The following EXOSC2 variants were observed in gnomAD, a reference collection of about 807,000 sequenced individuals.
EXOSC2 encodes the protein exosome complex component RRP4.
In EXOSC2, 29 loss-of-function variants were observed where a neutral mutation model predicts 37.6. The observed-to-expected ratio is 0.77, with a 90% CI of 0.57 to 1.05. EXOSC2 has a LOEUF of 1.05. Ranked by LOEUF, EXOSC2 falls within the 50% of genes least tolerant of loss-of-function variation. EXOSC2 has a pLI of 0.00. For synonymous variants in EXOSC2, 119 were observed against 131.1 expected, an observed-to-expected ratio of 0.91 and a Z score of 0.63; for missense variants, 346 against 365.6, an observed-to-expected ratio of 0.95 and a Z score of 0.44.
Position 130,698,295 on chromosome 9 carries a change from G to A in EXOSC2, c.360+44G>A, listed in dbSNP as rs749086401. On this transcript the variant is annotated intron_variant, in intron 4 of 8. Transcript: ENST00000372358. The surrounding 1 kb of genome is among the most constrained non-coding windows in gnomAD (Gnocchi z 4.1). ...GCCATGGACTAGGGCCCAGTGGGCT[G>A]GGGGGAGCCGTGGGACCCTTTGTTC... 1.3e-6 allele frequency: 2 copies of A among 1,566,998 alleles called. No homozygotes were observed. The highest frequency in any genetic ancestry group is 2.0e-4 in the Middle Eastern group (1 of 5,054).
Position 130,695,108 on chromosome 9 carries a change from G to A in EXOSC2, c.123-384G>A, listed in dbSNP as rs181660957. Among the ~76,000 whole-genome samples the A allele has an allele frequency of 2.6e-5, 4 of 152,296 alleles. No individual in the cohort carries two copies. In the East Asian group the frequency reaches 5.8e-4, roughly 22 times the overall value. ...GGCAGAGTGAAAAATCTCTGTCCTG[G>A]TGGAGTTCTAACAGGGAGAGATAGA... is the stretch of plus-strand genomic sequence containing the variant. On this transcript the variant is annotated intron_variant, in intron 1 of 8. Coordinates refer to ENST00000372358, the MANE Select transcript of EXOSC2 (RefSeq NM_014285.7).
intron 5 of EXOSC2, chr9:130,699,649 T>G (rs1393098001): frequency 8.0e-6 from 4 of 498,798 alleles, no homozygotes; most frequent in African/African-American, 7.7e-5. Context: ...TAGACTAGGC[T>G]TTTGTTAATG....
At position 130,694,036 on chromosome 9, in the gene EXOSC2, C is replaced by A. The variant is rs890189589; in HGVS notation, c.122+123C>A. On this transcript the variant is annotated intron_variant, in intron 1 of 8. Coordinates refer to ENST00000372358, the MANE Select transcript of EXOSC2 (RefSeq NM_014285.7). This position sits in a 1 kb window ranked among gnomAD's most constrained non-coding sequence, Gnocchi z 4.0. ...CGGGACCCAGGGCACTTCGTCTGAG[C>A]ATCCTACACACCTCGCTTCCGAGCC... The A allele has an allele frequency of 1.3e-5, 15 of 1,139,944 alleles. No individual in the cohort carries two copies. Among genetic ancestry groups the A allele is most frequent in the Middle Eastern group, 2.2e-4 (1 of 4,600 alleles). 70.6% of individuals were successfully genotyped at this position (1,139,944 alleles called of 1,614,324 possible). A position where few individuals can be genotyped will look rare whatever the true frequency, so the allele number is the denominator to read the frequency against.
At chr9:130,696,574 G>A (rs774119144) in intron 2 of EXOSC2, among the ~76,000 whole-genome samples, 42 of 145,462 alleles carry the variant, frequency 2.9e-4, no homozygotes, top group Non-Finnish European at 5.4e-4. Flanking sequence ...GTGGAGGAGT[G>A]ATTGGAATCT....
chr9:130,697,796 ATG>A, intron 3 of EXOSC2, 169 bp downstream of exon 3: 3 of 638,652 alleles, frequency 4.7e-6, no homozygotes, highest in African/African-American at 3.8e-5. Flanking sequence ...TTACTGGTTC[ATG>A]TTTTTTTTTT....
Position 130,700,357 on chromosome 9 carries a change from A to T in EXOSC2, c.427-510A>T, listed in dbSNP as rs529758871. 2.9e-3 allele frequency among the ~76,000 whole-genome samples: 400 copies of T among 138,162 alleles called. 3 individuals carry two copies. The highest frequency in any genetic ancestry group is 8.2e-3 in the African/African-American group (304 of 36,880). 90.6% of individuals were successfully genotyped at this position (138,162 alleles called of 152,430 possible). A position where few individuals can be genotyped will look rare whatever the true frequency, so the allele number is the denominator to read the frequency against. ...TATTTATTTATTTATTTATTTATTT[A>T]TTTATTTATTTATTTTTTTGAGACG... On this transcript the variant is annotated intron_variant, in intron 5 of 8. Coordinates refer to ENST00000372358, the MANE Select transcript of EXOSC2 (RefSeq NM_014285.7).
Position 130,695,474 on chromosome 9 carries a change from A to G in EXOSC2, c.123-18A>G. On this transcript the variant is annotated intron_variant, in intron 1 of 8. Transcript: ENST00000372358. ...AGTTACCCTCGTATCCTTTCTTTGT[A>G]TCTTCGCCTTGCATCAGGGGCCATG... The G allele has an allele frequency of 6.2e-7, 1 of 1,603,740 alleles. No homozygotes were observed. The highest frequency in any genetic ancestry group is 1.3e-5 in the African/African-American group (1 of 74,846).
In EXOSC2 at chr9:130,695,479, C is replaced by CCATG. The variant is rs1564254875; in HGVS notation, c.123-13_123-12insCATG. The CCATG allele has an allele frequency of 6.2e-7, 1 of 1,607,326 alleles. No individual in the cohort carries two copies. Among genetic ancestry groups the CCATG allele is most frequent in the Non-Finnish European group, 8.5e-7 (1 of 1,173,806 alleles). On this transcript the variant is annotated splice_polypyrimidine_tract_variant and intron_variant, in intron 1 of 8. Transcript: ENST00000372358. ...CCCTCGTATCCTTTCTTTGTATCTTCGCCTTGCATCAGGGGCCATGGAACG... is the reference window on the plus strand; with the variant it reads ...CCCTCGTATCCTTTCTTTGTATCTTCCATGGCCTTGCATCAGGGGCCATGGAACG...
At chr9:130,699,628 G>T (rs1389544422) in intron 5 of EXOSC2, 1 of 553,202 alleles carries the variant, frequency 1.8e-6, no homozygotes, top group Non-Finnish European at 3.2e-6. Flanking sequence ...AACTTACGGT[G>T]GCCTGTGCTT....
At position 130,703,148 on chromosome 9, in the gene EXOSC2, C is replaced by G; in HGVS notation, c.768C>G (p.Ile256Met). Reference sequence around the variant, plus strand: ...GGATGATGCTGTATGATACCAGCATCCTGTACTGCTATGAAGCATCCCTTC... The same window carrying G: ...GGATGATGCTGTATGATACCAGCATGCTGTACTGCTATGAAGCATCCCTTC... ...TQRMMLYDTS[I>M]LYCYEASLPH... The change falls in exon 8 of 9, where the codon ATC becomes ATG. Residue 256 changes from isoleucine to methionine, a missense_variant. Transcript: ENST00000372358. 1.2e-6 allele frequency: 2 copies of G among 1,613,784 alleles called. No individual in the cohort carries two copies. Among genetic ancestry groups the G allele is most frequent in the Non-Finnish European group, 1.7e-6 (2 of 1,179,806 alleles).
intron 7 of EXOSC2, 127 bp from the exon 8 acceptor site, chr9:130,702,926 T>G: frequency 8.9e-7 from 1 of 1,117,562 alleles, no homozygotes. Flanking sequence ...AATTAGCTGT[T>G]TGGTTGATTT....
Position 130,701,926 on chromosome 9 carries a change from G to A in EXOSC2, c.496-208G>A, listed in dbSNP as rs1244979092. The A allele has an allele frequency of 2.9e-6, 4 of 1,389,464 alleles. No homozygotes were observed. In the East Asian group the frequency reaches 1.1e-4, roughly 37 times the overall value. The allele number at this position is 1,389,464 out of a possible 1,614,324, so 86.1% of individuals were successfully genotyped here. A position where few individuals can be genotyped will look rare whatever the true frequency, so the allele number is the denominator to read the frequency against. ...GGAAATGACAGAGAAGAGTATTGAA[G>A]GTCACCTTCTGCTGGGATGTATGAA... On this transcript the variant is annotated intron_variant, in intron 6 of 8. Transcript: ENST00000372358.
intron 8 of EXOSC2, among the ~76,000 whole-genome samples, chr9:130,703,431 G>C (rs1831262488): frequency 6.6e-6 from 1 of 152,182 alleles, no homozygotes; most frequent in Non-Finnish European, 1.5e-5. Context: ...GCAACCTCTG[G>C]ACTACATCTT....
In EXOSC2 at chr9:130,702,140, CAG is replaced by C. The variant is rs760414467; in HGVS notation, c.503_504del (p.Gln168ArgfsTer20). 7 of 1,613,976 alleles carry C rather than the reference CAG, an allele frequency of 4.3e-6. No homozygotes were observed. Among genetic ancestry groups the C allele is most frequent in the Admixed American group, 3.3e-5 (2 of 59,974 alleles). Reference sequence around the variant, plus strand: ...TCGTGATATATTTCTTTAGCTAGGTCAGGGGGTTTTGGTCCAGGTTTCCCCCT... The same window carrying C: ...TCGTGATATATTTCTTTAGCTAGGTCGGGGTTTTGGTCCAGGTTTCCCCCT... ...TRSLKYGKLG[Q>X]GVLVQVSPSL... On this transcript the variant is annotated frameshift_variant, in exon 7 of 9. Transcript: ENST00000372358. LOFTEE classifies it high-confidence loss of function.
At chr9:130,700,816 AG>A in intron 5 of EXOSC2, 50 bp from the exon 6 acceptor site, 1 of 1,572,214 alleles carries the variant, frequency 6.4e-7, no homozygotes, top group Non-Finnish European at 8.8e-7. Flanking sequence ...TGCAGAGGAC[AG>A]GACAGTGTGT....
intron 8 of EXOSC2, among the ~76,000 whole-genome samples, chr9:130,703,425 C>A (rs187317814): frequency 3.2e-4 from 49 of 152,282 alleles, no homozygotes; most frequent in Non-Finnish European, 6.5e-4. Flanking sequence ...ATGAGAGCAA[C>A]CTCTGGACTA....
At chr9:130,699,936 G>C (rs1046969262) in intron 5 of EXOSC2, 3 of 153,940 alleles carry the variant, frequency 1.9e-5, no homozygotes, top group African/African-American at 7.2e-5. Context: ...GAGCCCAGGA[G>C]CTCAAGGCTA....
At position 130,694,913 on chromosome 9, in the gene EXOSC2, G is replaced by A. The variant is rs1157996850; in HGVS notation, c.123-579G>A. Among the ~76,000 whole-genome samples the A allele has an allele frequency of 6.6e-6, 1 of 150,382 alleles. No individual in the cohort carries two copies. Among genetic ancestry groups the A allele is most frequent in the Non-Finnish European group, 1.5e-5 (1 of 67,738 alleles). On this transcript the variant is annotated intron_variant, in intron 1 of 8. Transcript: ENST00000372358. This position sits in a 1 kb window ranked among gnomAD's most constrained non-coding sequence, Gnocchi z 4.0. ...TTTAGTAGAGACAGGGTTTCACTGTGTTGGCCAGGCTGGTCTCGATCCCCT... is the reference window on the plus strand; with the variant it reads ...TTTAGTAGAGACAGGGTTTCACTGTATTGGCCAGGCTGGTCTCGATCCCCT...
rs887277579 is a variant in EXOSC2 at position 130,704,485 on chromosome 9, C to T, written c.*711C>T. ...GGCGGAGGTTGCAGTGAGCTGAAAT[C>T]GCGTACCACACTCCAGCCTGGGTGA... is the stretch of plus-strand genomic sequence containing the variant. On this transcript the variant is annotated 3_prime_UTR_variant, in exon 9 of 9. Coordinates refer to ENST00000372358, the MANE Select transcript of EXOSC2 (RefSeq NM_014285.7). 2.6e-5 allele frequency: 4 copies of T among 151,852 alleles called. No homozygotes were observed. The highest frequency in any genetic ancestry group is 2.1e-4 in the South Asian group (1 of 4,806). 9.4% of individuals were successfully genotyped at this position (151,852 alleles called of 1,614,324 possible).
Sources: gnomAD v4.1 joint callset for allele counts (sites outside exome capture counted in the v4.1 genomes callset) on GRCh38, gnomAD v4.1.1 for gene constraint, Gnocchi (gnomAD v3.1) non-coding constraint, MANE v1.5 for transcripts, NCBI Gene and HGNC (gene_info 2026-07-23, HGNC 2026-07-21) for gene names.